Variants in MXI1 observed in about 807,000 individuals in gnomAD.
The protein encoded by MXI1 is max-interacting protein 1.
MXI1 carries 18 observed loss-of-function variants against 36.9 expected under a neutral mutation model. That is an observed-to-expected ratio of 0.49 (90% CI 0.34 to 0.72). The LOEUF (loss-of-function observed/expected upper bound fraction) is 0.72, where lower values mean the gene tolerates loss of function less well. Among genes scored for constraint, MXI1 ranks in the 30% least tolerant of loss-of-function variants. The pLI, the probability that MXI1 is intolerant of heterozygous loss-of-function variation, is 0.01. For synonymous variants in MXI1, 160 were observed against 146.7 expected, an observed-to-expected ratio of 1.09 and a Z score of -0.65; for missense variants, 304 against 379.1, an observed-to-expected ratio of 0.80 and a Z score of 1.64.
chr10:110,207,934 C>G lies in MXI1; in HGVS notation c.126C>G (p.Pro42=). The G allele has an allele frequency of 6.4e-7, 1 of 1,570,592 alleles. No homozygotes were observed. The highest frequency in any genetic ancestry group is 8.6e-7 in the Non-Finnish European group (1 of 1,160,010). The part of the protein sequence containing the change: ...APQPPALPED[P]AGAKPRCPFS... ...AGCCCCCGGCCCTGCCCGAGGACCC[C>G]GCTGGGGCCAAGCCCAGGTGCCCCT... Residue 42 remains proline, a synonymous_variant, in exon 1 of 6, where the codon CCC becomes CCG. Transcript: ENST00000332674.
chr10:110,217,778 A>G (rs891054703), intron 1 of MXI1, among the ~76,000 whole-genome samples: 7 of 152,200 alleles, frequency 4.6e-5, no homozygotes. Flanking sequence ...ACGAATAGAA[A>G]TCAGTCAACA....
intron 2 of MXI1, 98 bp downstream of exon 2, chr10:110,228,419 T>C: frequency 6.9e-7 from 1 of 1,444,518 alleles, no homozygotes. Context: ...ATGGGTTCCT[T>C]TACCACTACC....
chr10:110,261,260 C>A, intron 3 of MXI1: 1 of 541,372 alleles, frequency 1.8e-6, no homozygotes, highest in Non-Finnish European at 2.4e-6. Context: ...TAGGACATGT[C>A]TACTGTTTAT....
chr10:110,236,124 CTTTTTTT>C (rs60576710), intron 2 of MXI1, among the ~76,000 whole-genome samples: 26 of 33,556 alleles, frequency 7.7e-4, no homozygotes, highest in East Asian at 2.8e-3. Context: ...GGTTGAAGTT[CTTTTTTT>C]TTTTTTTTTT....
intron 3 of MXI1, among the ~76,000 whole-genome samples, chr10:110,265,856 G>GT (rs1406960714): frequency 6.6e-6 from 1 of 152,076 alleles, no homozygotes; most frequent in Non-Finnish European, 1.5e-5. Flanking sequence ...GCCGTAATTG[G>GT]TTTTTATCAT....
intron 3 of MXI1, among the ~76,000 whole-genome samples, chr10:110,276,278 C>T (rs1197211080): frequency 6.6e-6 from 1 of 152,114 alleles, no homozygotes; most frequent in African/African-American, 2.4e-5. Context: ...AAATTTGAAC[C>T]TCTTTTACAG....
At chr10:110,276,241 A>C (rs191591464) in intron 3 of MXI1, among the ~76,000 whole-genome samples, 67 of 152,224 alleles carry the variant, frequency 4.4e-4, no homozygotes, top group African/African-American at 1.5e-3. Flanking sequence ...TTCATACACA[A>C]ATTCTATATT....
intron 3 of MXI1, 133 bp downstream of exon 3, chr10:110,244,990 A>T: frequency 1.3e-6 from 1 of 782,920 alleles, no homozygotes; most frequent in Non-Finnish European, 2.0e-6. Context: ...TGTGAATCTG[A>T]TATATATGTA....
chr10:110,241,657 C>T (rs888439299), intron 2 of MXI1, among the ~76,000 whole-genome samples: 1 of 151,942 alleles, frequency 6.6e-6, no homozygotes, highest in African/African-American at 2.4e-5. Context: ...CTCTTTCCAT[C>T]ATTATGGTTG....
At chr10:110,254,616 A>G (rs1276957736) in intron 3 of MXI1, among the ~76,000 whole-genome samples, 1 of 152,192 alleles carries the variant, frequency 6.6e-6, no homozygotes, top group Non-Finnish European at 1.5e-5. Flanking sequence ...GCAAAGGGAA[A>G]GTTCTTAAAG....
intron 3 of MXI1, among the ~76,000 whole-genome samples, chr10:110,258,015 TAA>T (rs1213879180): frequency 1.3e-5 from 2 of 152,178 alleles, no homozygotes; most frequent in Non-Finnish European, 2.9e-5. Flanking sequence ...TTAACAAAAT[TAA>T]GACTAGATAT....
In MXI1 at chr10:110,231,371, C is replaced by CA. The variant is rs1374069735; in HGVS notation, c.407+3050_407+3051insA. Among the ~76,000 whole-genome samples, 83 of 149,622 alleles carry CA rather than the reference C, an allele frequency of 5.5e-4. 1 individual carries two copies. Among genetic ancestry groups the CA allele is most frequent in the African/African-American group, 1.8e-3 (73 of 40,194 alleles). On this transcript the variant is annotated intron_variant, in intron 2 of 5. Transcript: ENST00000332674. Reference sequence around the variant, plus strand: ...AACAGAGTGATAATCCACCCCCCCCCCCTCAAAAAAGTAACTTTATAAATT... The same window carrying CA: ...AACAGAGTGATAATCCACCCCCCCCCACCTCAAAAAAGTAACTTTATAAATT...
At chr10:110,224,792 C>A (rs1854913631) in intron 1 of MXI1, among the ~76,000 whole-genome samples, 1 of 152,092 alleles carries the variant, frequency 6.6e-6, no homozygotes, top group Non-Finnish European at 1.5e-5. Flanking sequence ...GGATTACAGG[C>A]ACCCGCCACC....
At chr10:110,271,373 T>C (rs767214188) in intron 3 of MXI1, among the ~76,000 whole-genome samples, 5 of 152,146 alleles carry the variant, frequency 3.3e-5, no homozygotes, top group Non-Finnish European at 7.3e-5. Flanking sequence ...GTATTACATC[T>C]CTCCTCCCCA....
intron 1 of MXI1, among the ~76,000 whole-genome samples, chr10:110,227,188 CGGGGAGGGTCGCGCGTGTGT>C (rs1216393147): frequency 1.0e-4 from 5 of 49,908 alleles, no homozygotes; most frequent in Admixed American, 2.4e-4. Flanking sequence ...CGCGCGTGTG[CGGGGAGGGTCGCGCGTGTGT>C]GAGGGGTGCG....
chr10:110,228,257 C>G lies in MXI1; in HGVS notation c.343C>G (p.Pro115Ala). The change falls in exon 2 of 6, where the codon CCA (proline) becomes GCA (alanine). Residue 115 changes from proline (P) to alanine (A), a missense_variant. Coordinates refer to ENST00000332674, the MANE Select transcript of MXI1 (RefSeq NM_130439.3). ...PSPRLQHSKP[P>A]RRLSRAQKHS... ...CCCCCGACTGCAGCATTCAAAGCCC[C>G]CACGGAGGTTGAGCCGGGCACAGAA... 1 of 1,614,150 alleles carries G rather than the reference C, an allele frequency of 6.2e-7. No homozygotes were observed. The highest frequency in any genetic ancestry group is 8.5e-7 in the Non-Finnish European group (1 of 1,180,018).
intron 1 of MXI1, chr10:110,226,125 C>G (rs1282859798): frequency 2.0e-5 from 25 of 1,251,390 alleles, no homozygotes; most frequent in Non-Finnish European, 2.5e-5. Flanking sequence ...TGTTCCGGAA[C>G]GGCGCCCGGC....
intron 3 of MXI1, among the ~76,000 whole-genome samples, chr10:110,263,584 T>G (rs1856587545): frequency 1.3e-5 from 2 of 152,224 alleles, no homozygotes; most frequent in African/African-American, 4.8e-5. Flanking sequence ...ATCTTTTCTG[T>G]TATGAAAACC....
intron 2 of MXI1, among the ~76,000 whole-genome samples, chr10:110,240,998 T>A (rs565687502): frequency 6.6e-6 from 1 of 152,126 alleles, no homozygotes; most frequent in East Asian, 1.9e-4. Flanking sequence ...ATAGTTTCAT[T>A]TCTATGGTTC....
Sources: allele counts gnomAD v4.1 joint callset (sites outside exome capture counted in the v4.1 genomes callset), GRCh38; gene constraint gnomAD v4.1.1; transcripts MANE v1.5; gene names NCBI Gene and HGNC (gene_info 2026-07-23, HGNC 2026-07-21).